The following TBC1D4 variants were observed in gnomAD, a reference collection of about 807,000 sequenced individuals.
TBC1D4 encodes TBC1 domain family member 4, also known as TBC (Tre-2, BUB2, CDC16) domain-containing protein.
A neutral mutation model predicts 142.5 loss-of-function variants in TBC1D4; 121 were observed. That is an observed-to-expected ratio of 0.85 (90% CI 0.73 to 0.99). TBC1D4 has a LOEUF of 0.99. Among genes scored for constraint, TBC1D4 ranks in the 50% least tolerant of loss-of-function variants. The pLI is 0.00. For missense variants in TBC1D4, 1,475 were observed against 1,606.6 expected (o/e 0.92, Z 1.40); for synonymous variants, 630 against 628.2 (o/e 1.00, Z -0.04).
chr13:75,397,690 T>C (rs1884867128), intron 1 of TBC1D4, among the ~76,000 whole-genome samples: 1 of 152,206 alleles, frequency 6.6e-6, no homozygotes, highest in South Asian at 2.1e-4. Flanking sequence ...TTCTCTGAAA[T>C]GTAAAATGAA....
intron 7 of TBC1D4, among the ~76,000 whole-genome samples, chr13:75,339,292 G>C (rs1246459382): frequency 7.9e-6 from 1 of 126,714 alleles, no homozygotes; most frequent in Non-Finnish European, 1.8e-5. Flanking sequence ...ATATGACTTA[G>C]TCCTAACCCC....
chr13:75,429,885 G>A (rs1425336995), intron 1 of TBC1D4, among the ~76,000 whole-genome samples: 1 of 152,094 alleles, frequency 6.6e-6, no homozygotes, highest in Non-Finnish European at 1.5e-5. Flanking sequence ...ACCATCTGCA[G>A]AACTTGAACA....
rs764232412 is a variant in TBC1D4, at chr13:75,349,306, C to T, written c.1276-4G>A. Reference sequence around the variant, plus strand: ...GAGTCAGCATTACCTCATCAACCTACAGGAAGAAACAAAACTCAGGTCTAT... The same window carrying T: ...GAGTCAGCATTACCTCATCAACCTATAGGAAGAAACAAAACTCAGGTCTAT... On this transcript the variant is annotated splice_polypyrimidine_tract_variant and splice_region_variant and intron_variant, in intron 4 of 20. Transcript: ENST00000377636. The T allele has an allele frequency of 1.2e-6, 2 of 1,613,724 alleles. No homozygotes were observed. The highest frequency in any genetic ancestry group is 1.7e-6 in the Non-Finnish European group (2 of 1,179,870).
chr13:75,447,369 T>C (rs919617309), intron 1 of TBC1D4, among the ~76,000 whole-genome samples: 2 of 152,174 alleles, frequency 1.3e-5, no homozygotes, highest in African/African-American at 2.4e-5. Flanking sequence ...GGTGTAATCA[T>C]TAACACTTTC....
At position 75,339,224 on chromosome 13, in the gene TBC1D4, T is replaced by C. The variant is rs571046708; in HGVS notation, c.1611+1901A>G. On this transcript the variant is annotated intron_variant, in intron 7 of 20. Coordinates refer to ENST00000377636, the MANE Select transcript of TBC1D4 (RefSeq NM_014832.5). ...GTACAGTCTGTACTCGATAAAGATTTGTGCAATAATTAAATCACTTATCAC... is the reference window on the plus strand; with the variant it reads ...GTACAGTCTGTACTCGATAAAGATTCGTGCAATAATTAAATCACTTATCAC... Among the ~76,000 whole-genome samples, 53 of 152,316 alleles carry C rather than the reference T, an allele frequency of 3.5e-4. 1 individual carries two copies. Among genetic ancestry groups the C allele is most frequent in the Non-Finnish European group, 2.5e-4 (17 of 68,018 alleles).
intron 1 of TBC1D4, among the ~76,000 whole-genome samples, chr13:75,423,179 T>C (rs1886237446): frequency 6.6e-6 from 1 of 152,116 alleles, no homozygotes; most frequent in South Asian, 2.1e-4. Flanking sequence ...GAGCCCTCCA[T>C]AGAAAGTTAT....
At chr13:75,359,638 T>C in intron 3 of TBC1D4, 131 bp downstream of exon 3, 1 of 740,296 alleles carries the variant, frequency 1.4e-6, no homozygotes, top group African/African-American at 1.8e-5. Flanking sequence ...TTAAGACAAA[T>C]TCCCTTTAAG....
At position 75,337,322 on chromosome 13, in the gene TBC1D4, A is replaced by T. The variant is rs577638871; in HGVS notation, c.1612-282T>A. Among the ~76,000 whole-genome samples the T allele has an allele frequency of 4.6e-4, 70 of 152,314 alleles. 1 individual carries two copies. Among genetic ancestry groups the T allele is most frequent in the African/African-American group, 1.7e-3 (69 of 41,572 alleles). On this transcript the variant is annotated intron_variant, in intron 7 of 20. Coordinates refer to ENST00000377636, the MANE Select transcript of TBC1D4 (RefSeq NM_014832.5). ...CTGCATTTAGCAAAAATTATACTTG[A>T]TATGTCAATTTTTACTACTGCTACT...
intron 1 of TBC1D4, chr13:75,376,020 G>A (rs1308049270): frequency 1.3e-5 from 2 of 152,070 alleles, no homozygotes; most frequent in Admixed American, 6.5e-5. Flanking sequence ...TTATGCATTC[G>A]AGACAAGGCA....
chr13:75,375,392 TG>T (rs1011985144), intron 1 of TBC1D4: 6 of 152,222 alleles, frequency 3.9e-5, no homozygotes, highest in African/African-American at 1.4e-4. Flanking sequence ...TACACAACTC[TG>T]GGAGAATATA....
chr13:75,418,952 G>C (rs1886040849), intron 1 of TBC1D4, among the ~76,000 whole-genome samples: 1 of 152,098 alleles, frequency 6.6e-6, no homozygotes, highest in Non-Finnish European at 1.5e-5. Flanking sequence ...ACTATCCAAG[G>C]GACCAAAAAC....
intron 4 of TBC1D4, 136 bp from the exon 5 acceptor site, chr13:75,349,438 A>T: frequency 8.4e-7 from 1 of 1,186,606 alleles, no homozygotes; most frequent in Non-Finnish European, 1.2e-6. Flanking sequence ...GAGTTAGCCG[A>T]GAGAAAATAC....
chr13:75,301,999 T>C (rs1438590780), intron 16 of TBC1D4, among the ~76,000 whole-genome samples: 1 of 152,160 alleles, frequency 6.6e-6, no homozygotes, highest in African/African-American at 2.4e-5. Context: ...ATAATTTAAA[T>C]ATAAGATGGC....
At chr13:75,410,112 A>G (rs1885563664) in intron 1 of TBC1D4, among the ~76,000 whole-genome samples, 1 of 152,364 alleles carries the variant, frequency 6.6e-6, no homozygotes, top group African/African-American at 2.4e-5. Context: ...TAAATAAGCT[A>G]ATGTACGTAA....
intron 1 of TBC1D4, among the ~76,000 whole-genome samples, chr13:75,452,152 T>G (rs1222798497): frequency 1.3e-5 from 2 of 152,198 alleles, no homozygotes; most frequent in East Asian, 3.8e-4. Context: ...TTATCCTTCC[T>G]TCCAAGTAAA....
chr13:75,292,078 A>G, intron 19 of TBC1D4, 24 bp downstream of exon 19: 2 of 1,583,540 alleles, frequency 1.3e-6, no homozygotes, highest in Non-Finnish European at 8.7e-7. Flanking sequence ...CTGCTATATA[A>G]TACTATTAGC....
chr13:75,315,249 A>G (rs1376558019), intron 12 of TBC1D4, among the ~76,000 whole-genome samples: 2 of 151,756 alleles, frequency 1.3e-5, no homozygotes, highest in Admixed American at 1.3e-4. Context: ...CAAAGGTTGC[A>G]GTGAGCCGAG....
chr13:75,331,583 C>A (rs1486731094), intron 8 of TBC1D4, among the ~76,000 whole-genome samples: 1 of 152,108 alleles, frequency 6.6e-6, no homozygotes, highest in East Asian at 1.9e-4. Flanking sequence ...ATAGCCATTA[C>A]ATGATTCTGA....
chr13:75,310,742 C>T (rs1166417595), intron 13 of TBC1D4, among the ~76,000 whole-genome samples: 3 of 152,158 alleles, frequency 2.0e-5, no homozygotes, highest in Non-Finnish European at 4.4e-5. Flanking sequence ...GAAATGACTT[C>T]GCCACCCAGG....
Sources: gnomAD v4.1 joint callset for allele counts (sites outside exome capture counted in the v4.1 genomes callset) on GRCh38, gnomAD v4.1.1 for gene constraint, MANE v1.5 for transcripts, NCBI Gene and HGNC (gene_info 2026-07-23, HGNC 2026-07-21) for gene names.